The following RELN variants were observed in gnomAD, a reference collection of about 807,000 sequenced individuals.
RELN encodes the protein reelin.
Under a neutral mutation model 427.6 loss-of-function variants are expected in RELN, and 108 were observed. The observed-to-expected ratio is 0.25, with a 90% CI of 0.22 to 0.30. The LOEUF is 0.30. Among genes scored for constraint, RELN ranks in the 10% least tolerant of loss-of-function variants. RELN has a pLI of 1.00. For synonymous variants in RELN, 1,524 were observed against 1,513.4 expected (o/e 1.01, Z -0.16); for missense variants, 3,715 against 4,302.8 (o/e 0.86, Z 3.82).
In RELN at chr7:103,604,680, C is replaced by A. The variant is rs41276151; in HGVS notation, c.3009-197G>T. Among the ~76,000 whole-genome samples, 19,330 of 152,124 alleles carry A rather than the reference C, an allele frequency of 0.13. 1,328 individuals carry two copies. Among genetic ancestry groups the A allele is most frequent in the Middle Eastern group, 0.27 (79 of 294 alleles). ...TCATGAAAGAAAGTTAAAGAGAAAT[C>A]TGTCTATTGGATGCAATTCAATCTT... is the stretch of plus-strand genomic sequence containing the variant. On this transcript the variant is annotated intron_variant, in intron 22 of 64. Transcript: ENST00000428762.
intron 3 of RELN, among the ~76,000 whole-genome samples, chr7:103,785,077 G>C (rs947420318): frequency 4.6e-5 from 7 of 152,096 alleles, no homozygotes; most frequent in Non-Finnish European, 8.8e-5. Flanking sequence ...AGCAAGAACA[G>C]TAAAAGTAAA....
chr7:103,542,810 A>G lies in RELN; in HGVS notation c.6592T>C (p.Ser2198Pro), dbSNP rs1584278661. The G allele has an allele frequency of 1.9e-6, 3 of 1,614,156 alleles. No homozygotes were observed. In the East Asian group the frequency reaches 6.7e-5, roughly 36 times the overall value. The change falls in exon 43 of 65, where the codon TCT becomes CCT. Residue 2198 changes from serine (S) to proline (P), a missense_variant. By Grantham distance (74) the Ser-to-Pro change is moderately conservative. This residue lies in a region of RELN where 1,310 missense variants were observed against 1,643.0 expected (regional missense o/e 0.80). Coordinates refer to ENST00000428762, the MANE Select transcript of RELN (RefSeq NM_005045.4). ...TTGAAAAAGAGGTTGTTTCCACTAG[A>G]AAGGATTCCACACTTTCGAGATGGT... ...GKPSRKCGIL[S>P]SGNNLFFNED...
chr7:103,882,086 T>C (rs1364217329), intron 2 of RELN, among the ~76,000 whole-genome samples: 1 of 152,196 alleles, frequency 6.6e-6, no homozygotes, highest in African/African-American at 2.4e-5. Flanking sequence ...CTTATTTTAA[T>C]TAAATGATTC....
At chr7:103,549,581 T>G (rs752252832) in intron 41 of RELN, among the ~76,000 whole-genome samples, 24 of 152,194 alleles carry the variant, frequency 1.6e-4, no homozygotes, top group Non-Finnish European at 2.8e-4. Context: ...TTGGAACACT[T>G]GGCTTTCAGG....
intron 4 of RELN, among the ~76,000 whole-genome samples, chr7:103,758,337 T>A (rs1285489441): frequency 6.6e-6 from 1 of 152,036 alleles, no homozygotes; most frequent in Non-Finnish European, 1.5e-5. Context: ...AGACCACAGA[T>A]AAAATATAAA....
In RELN at chr7:103,988,278, C is replaced by T. The variant is rs1797144949; in HGVS notation, c.226+853G>A. Among the ~76,000 whole-genome samples, 1 of 152,144 alleles carries T rather than the reference C, an allele frequency of 6.6e-6. No individual in the cohort carries two copies. The highest frequency in any genetic ancestry group is 1.5e-5 in the Non-Finnish European group (1 of 68,038). On this transcript the variant is annotated intron_variant, in intron 1 of 64. Coordinates refer to ENST00000428762, the MANE Select transcript of RELN (RefSeq NM_005045.4). The surrounding 1 kb of genome is among the most constrained non-coding windows in gnomAD (Gnocchi z 4.9). ...GTACTAGCTTAAAATACATGTACTA[C>T]ATAATATTATATTTCTTGGAGCTAA...
At position 103,652,651 on chromosome 7, in the gene RELN, C is replaced by G. The variant is rs532386377; in HGVS notation, c.1663G>C (p.Val555Leu). Reference sequence around the variant, plus strand: ...ACAGGCAAGACATGGAAAAAGTCTACAGCCCAGACATTCCTATTATGTCCT... The same window carrying G: ...ACAGGCAAGACATGGAAAAAGTCTAGAGCCCAGACATTCCTATTATGTCCT... ...HQGHNRNVWA[V>L]DFFHVLPVLP... The change falls in exon 14 of 65, where the codon GTA becomes CTA. Residue 555 changes from valine to leucine, a missense_variant. This residue lies in a region of RELN where 2,208 missense variants were observed against 2,361.7 expected (regional missense o/e 0.93). Coordinates refer to ENST00000428762, the MANE Select transcript of RELN (RefSeq NM_005045.4). The G allele has an allele frequency of 6.2e-7, 1 of 1,612,912 alleles. No individual in the cohort carries two copies. Among genetic ancestry groups the G allele is most frequent in the Non-Finnish European group, 8.5e-7 (1 of 1,179,258 alleles).
intron 7 of RELN, among the ~76,000 whole-genome samples, chr7:103,726,069 G>A (rs577474613): frequency 6.6e-6 from 1 of 152,144 alleles, no homozygotes; most frequent in African/African-American, 2.4e-5. Context: ...ACTTTCATTA[G>A]TTCTCATGCA....
At chr7:103,970,138 T>C (rs1048403247) in intron 1 of RELN, among the ~76,000 whole-genome samples, 9 of 151,358 alleles carry the variant, frequency 5.9e-5, no homozygotes, top group Admixed American at 1.3e-4. Flanking sequence ...TTTTCTTTTC[T>C]TTTTTTCCTT....
At chr7:103,613,067 G>A (rs1013205472) in intron 20 of RELN, among the ~76,000 whole-genome samples, 7 of 152,014 alleles carry the variant, frequency 4.6e-5, no homozygotes, top group Non-Finnish European at 8.8e-5. Context: ...GTGGAATCTC[G>A]GCCATGTCCT....
Position 103,949,087 on chromosome 7 carries a change from A to G in RELN, c.227-31902T>C, listed in dbSNP as rs140939426. On this transcript the variant is annotated intron_variant, in intron 1 of 64. Coordinates refer to ENST00000428762, the MANE Select transcript of RELN (RefSeq NM_005045.4). ...TATGGGTATATATATACACACATAC[A>G]TGCACACACACACGCACACATATAT... is the stretch of plus-strand genomic sequence containing the variant. Among the ~76,000 whole-genome samples the G allele has an allele frequency of 6.2e-3, 947 of 151,556 alleles. 12 individuals carry two copies. Among genetic ancestry groups the G allele is most frequent in the African/African-American group, 0.021 (884 of 41,204 alleles).
chr7:103,615,807 G>A (rs1207809726), intron 20 of RELN, among the ~76,000 whole-genome samples: 2 of 152,186 alleles, frequency 1.3e-5, no homozygotes, highest in African/African-American at 2.4e-5. Flanking sequence ...GAGTAGGGAA[G>A]TTTAACAAAA....
intron 3 of RELN, among the ~76,000 whole-genome samples, chr7:103,787,532 A>G (rs569779431): frequency 1.3e-5 from 2 of 152,322 alleles, no homozygotes; most frequent in South Asian, 4.1e-4. Flanking sequence ...AATACAAACT[A>G]CCATCAGAGA....
chr7:103,589,090 G>T (rs543422693), intron 28 of RELN, among the ~76,000 whole-genome samples: 65 of 152,260 alleles, frequency 4.3e-4, no homozygotes, highest in Middle Eastern at 3.4e-3. Flanking sequence ...TCATACATCT[G>T]CTTTTGTGAA....
chr7:103,934,625 T>C (rs977197763), intron 1 of RELN, among the ~76,000 whole-genome samples: 1 of 152,186 alleles, frequency 6.6e-6, no homozygotes, highest in Non-Finnish European at 1.5e-5. Context: ...CCCACACTGA[T>C]AGACAATGAA....
At chr7:103,967,796 C>T (rs933019562) in intron 1 of RELN, among the ~76,000 whole-genome samples, 3 of 152,174 alleles carry the variant, frequency 2.0e-5, no homozygotes, top group African/African-American at 4.8e-5. Context: ...GCCTAAACTA[C>T]CATTTCCCTC....
chr7:103,572,949 C>T (rs190901606), intron 30 of RELN, among the ~76,000 whole-genome samples: 127 of 151,246 alleles, frequency 8.4e-4, no homozygotes, highest in African/African-American at 3.0e-3. Flanking sequence ...CTGCACCCAT[C>T]AACCTGTCAT....
intron 2 of RELN, among the ~76,000 whole-genome samples, chr7:103,858,323 A>G (rs565637843): frequency 3.9e-4 from 60 of 152,330 alleles, no homozygotes; most frequent in African/African-American, 1.4e-3. Flanking sequence ...AGTATAAGCA[A>G]AACTCTTAGT....
intron 3 of RELN, among the ~76,000 whole-genome samples, chr7:103,814,190 G>T (rs1395810881): frequency 6.6e-6 from 1 of 152,134 alleles, no homozygotes; most frequent in Non-Finnish European, 1.5e-5. Context: ...TCTGCAAAAT[G>T]GGCATAATAA....
Sources: allele counts gnomAD v4.1 joint callset (sites outside exome capture counted in the v4.1 genomes callset), GRCh38; gene constraint gnomAD v4.1.1; regional missense constraint gnomAD v4.1.1; non-coding constraint Gnocchi (gnomAD v3.1); transcripts MANE v1.5; gene names NCBI Gene and HGNC (gene_info 2026-07-23, HGNC 2026-07-21).